Variants in ZFAND3 observed in about 807,000 individuals in gnomAD.
ZFAND3 encodes AN1-type zinc finger protein 3.
Under a neutral mutation model 29.6 loss-of-function variants are expected in ZFAND3, and 10 were observed. The observed-to-expected ratio is 0.34, with a 90% CI of 0.21 to 0.57. ZFAND3 has a LOEUF of 0.57. Ranked by LOEUF, ZFAND3 falls within the 20% of genes least tolerant of loss-of-function variation. The probability of loss-of-function intolerance (pLI) is 0.86; values close to 1 mark genes in which losing one functional copy is unlikely to be tolerated. For synonymous variants in ZFAND3, 128 were observed against 112.6 expected (o/e 1.14, Z -0.87); for missense variants, 230 against 304.5 (o/e 0.76, Z 1.82).
chr6:37,995,106 G>A (rs765976324), intron 2 of ZFAND3, among the ~76,000 whole-genome samples: 6 of 152,162 alleles, frequency 3.9e-5, no homozygotes, highest in African/African-American at 4.8e-5. Flanking sequence ...TAATACTGGA[G>A]AACCTGCGTG....
At chr6:37,919,282 C>T (rs939748482) in intron 1 of ZFAND3, among the ~76,000 whole-genome samples, 3 of 152,070 alleles carry the variant, frequency 2.0e-5, no homozygotes, top group Admixed American at 6.6e-5. Flanking sequence ...CCATTTTGTC[C>T]TGATGGTAAC....
intron 1 of ZFAND3, among the ~76,000 whole-genome samples, chr6:37,919,187 C>G (rs561354198): frequency 3.0e-4 from 45 of 152,138 alleles, no homozygotes; most frequent in African/African-American, 1.0e-3. Flanking sequence ...CTCCTCACCT[C>G]ATGATCTGCC....
Position 38,061,737 on chromosome 6 carries a change from C to T in ZFAND3, c.257C>T (p.Pro86Leu), listed in dbSNP as rs767635275. 1.1e-5 allele frequency: 17 copies of T among 1,614,002 alleles called. No homozygotes were observed. The highest frequency in any genetic ancestry group is 9.3e-5 in the African/African-American group (7 of 74,906). The change falls in exon 3 of 6, where the codon CCG (proline) becomes CTG (leucine). Residue 86 changes from proline to leucine, a missense_variant. Pro to Leu is a moderately conservative substitution (Grantham distance 98, BLOSUM62 -3). This residue lies in a region of ZFAND3 where 180 missense variants were observed against 202.5 expected (regional missense o/e 0.89). Coordinates refer to ENST00000287218, the MANE Select transcript of ZFAND3 (RefSeq NM_021943.3). ...PTLSPSQQPL[P>L]TELNVTSPSK... ...CTTAGTCCCAGCCAGCAGCCGCTTCCGACAGAACTGAATGTAACTTCACCG... is the reference window on the plus strand; with the variant it reads ...CTTAGTCCCAGCCAGCAGCCGCTTCTGACAGAACTGAATGTAACTTCACCG...
chr6:38,018,313 T>C (rs562061774), intron 2 of ZFAND3, among the ~76,000 whole-genome samples: 4 of 152,354 alleles, frequency 2.6e-5, no homozygotes, highest in Non-Finnish European at 4.4e-5. Flanking sequence ...AACCTAAAAC[T>C]ATTGTTTTGT....
chr6:37,906,816 C>T (rs1371201020), intron 1 of ZFAND3, among the ~76,000 whole-genome samples: 10 of 151,514 alleles, frequency 6.6e-5, no homozygotes, highest in African/African-American at 2.4e-4. Context: ...TTTGACCATT[C>T]GTATATCTTC....
rs1181295021 is a variant in ZFAND3, at chr6:37,819,921, C to G, written c.-25C>G. 8.3e-7 allele frequency: 1 copy of G among 1,206,352 alleles called. No homozygotes were observed. The highest frequency in any genetic ancestry group is 1.0e-6 in the Non-Finnish European group (1 of 973,206). The allele number at this position is 1,206,352 out of a possible 1,614,324, so 74.7% of individuals were successfully genotyped here. On this transcript the variant is annotated 5_prime_UTR_variant, in exon 1 of 6. Coordinates refer to ENST00000287218, the MANE Select transcript of ZFAND3 (RefSeq NM_021943.3). ...CCAGCCGCCGCCACCGCTGCCGCCG[C>G]CGAGCTCCGCCGCCGCCGAGCACCA...
At chr6:37,958,798 C>A (rs2127423782) in intron 2 of ZFAND3, among the ~76,000 whole-genome samples, 1 of 146,638 alleles carries the variant, frequency 6.8e-6, no homozygotes, top group Non-Finnish European at 1.5e-5. Context: ...TTGTATTTTA[C>A]AATTGTAAAT....
chr6:37,927,676 C>T (rs1180144329), intron 1 of ZFAND3, among the ~76,000 whole-genome samples: 5 of 152,168 alleles, frequency 3.3e-5, no homozygotes, highest in Non-Finnish European at 7.3e-5. Context: ...TTCCTATATG[C>T]CTGCAGGGTC....
chr6:38,005,472 A>G (rs1763032405), intron 2 of ZFAND3, among the ~76,000 whole-genome samples: 4 of 152,298 alleles, frequency 2.6e-5, no homozygotes, highest in South Asian at 4.1e-4. Context: ...TCCACTGTCA[A>G]TGGCATCTGA....
At chr6:38,035,799 T>C (rs565568807) in intron 2 of ZFAND3, among the ~76,000 whole-genome samples, 2 of 152,358 alleles carry the variant, frequency 1.3e-5, no homozygotes, top group South Asian at 2.1e-4. Context: ...AATGCTGGTG[T>C]GTGGAGCTTG....
chr6:38,105,222 C>T (rs1021945806), intron 4 of ZFAND3, among the ~76,000 whole-genome samples: 1 of 152,102 alleles, frequency 6.6e-6, no homozygotes, highest in Non-Finnish European at 1.5e-5. Context: ...TCATATCCAC[C>T]TTCCATGATA....
chr6:38,126,488 T>C (rs943593989), intron 5 of ZFAND3, among the ~76,000 whole-genome samples: 1 of 152,244 alleles, frequency 6.6e-6, no homozygotes, highest in Non-Finnish European at 1.5e-5. Flanking sequence ...TTTTCCAAGC[T>C]TATATCATTT....
intron 5 of ZFAND3, among the ~76,000 whole-genome samples, chr6:38,135,763 C>A (rs199681841): frequency 2.1e-4 from 32 of 151,108 alleles, no homozygotes; most frequent in South Asian, 8.4e-4. Context: ...AAAAAACAAA[C>A]AAAAAAAACA....
chr6:38,061,875 T>C, intron 3 of ZFAND3, 100 bp downstream of exon 3: 6 of 1,363,156 alleles, frequency 4.4e-6, no homozygotes, highest in Non-Finnish European at 5.9e-6. Flanking sequence ...GCACTTCTTT[T>C]AATTCAAGAT....
At position 37,996,910 on chromosome 6, in the gene ZFAND3, G is replaced by A. The variant is rs572003251; in HGVS notation, c.113-64683G>A. Among the ~76,000 whole-genome samples the A allele has an allele frequency of 7.9e-5, 12 of 152,070 alleles. No homozygotes were observed. The East Asian group carries it at 2.3e-3, about 29-fold the overall frequency. ...CTCATCTTTTGGGATTGTTTTGGTTGTTTCAGTTTTTCATTATTATACATA... is the reference window on the plus strand; with the variant it reads ...CTCATCTTTTGGGATTGTTTTGGTTATTTCAGTTTTTCATTATTATACATA... On this transcript the variant is annotated intron_variant, in intron 2 of 5. Coordinates refer to ENST00000287218, the MANE Select transcript of ZFAND3 (RefSeq NM_021943.3).
At chr6:37,875,651 AAT>A (rs1436517176) in intron 1 of ZFAND3, among the ~76,000 whole-genome samples, 3 of 151,024 alleles carry the variant, frequency 2.0e-5, no homozygotes, top group Middle Eastern at 6.8e-3. Flanking sequence ...TTTTTTTTTA[AAT>A]AGAGATGAAG....
chr6:37,980,272 G>C (rs1337946244), intron 2 of ZFAND3, among the ~76,000 whole-genome samples: 1 of 151,662 alleles, frequency 6.6e-6, no homozygotes, highest in Admixed American at 6.6e-5. Flanking sequence ...CTGTTAACCT[G>C]CCTCGCTTGG....
chr6:38,138,999 A>G (rs550551674), intron 5 of ZFAND3, among the ~76,000 whole-genome samples: 1 of 152,354 alleles, frequency 6.6e-6, no homozygotes, highest in South Asian at 2.1e-4. Context: ...CTAAAGGAGA[A>G]AATGCAGGAG....
chr6:38,035,481 G>C (rs1172436999), intron 2 of ZFAND3, among the ~76,000 whole-genome samples: 1 of 152,102 alleles, frequency 6.6e-6, no homozygotes, highest in Non-Finnish European at 1.5e-5. Context: ...CCTCAAAAAG[G>C]GAGAGAGGGT....
Sources: allele counts gnomAD v4.1 joint callset (sites outside exome capture counted in the v4.1 genomes callset), GRCh38; gene constraint gnomAD v4.1.1; regional missense constraint gnomAD v4.1.1; transcripts MANE v1.5; gene names NCBI Gene and HGNC (gene_info 2026-07-23, HGNC 2026-07-21).